The following TAFA5 variants were observed in gnomAD, a reference collection of about 807,000 sequenced individuals.
The protein encoded by TAFA5 is TAFA chemokine like family member 5, also known as chemokine-like protein TAFA-5.
A neutral mutation model predicts 15.3 loss-of-function variants in TAFA5; 6 were observed. The ratio of observed to expected loss-of-function variants is 0.39; its 90% CI spans 0.21 to 0.77. The LOEUF (loss-of-function observed/expected upper bound fraction) is 0.77. TAFA5 is among the 30% of genes least tolerant of loss of function. The pLI, the probability that TAFA5 is intolerant of heterozygous loss-of-function variation, is 0.41. For missense variants in TAFA5, 161 were observed against 193.1 expected (o/e 0.83, Z 0.98); for synonymous variants, 103 against 80.7 (o/e 1.28, Z -1.48).
intron 2 of TAFA5, among the ~76,000 whole-genome samples, chr22:48,691,945 A>G (rs1928556337): frequency 6.6e-6 from 1 of 152,116 alleles, no homozygotes; most frequent in Admixed American, 6.5e-5. Context: ...GACTGAGCTG[A>G]CACTAGGTGC....
intron 1 of TAFA5, among the ~76,000 whole-genome samples, chr22:48,589,750 C>G (rs1035567593): frequency 6.6e-6 from 1 of 152,078 alleles, no homozygotes; most frequent in African/African-American, 2.4e-5. Flanking sequence ...TGTGGCCACA[C>G]GCTGAGGAGC....
In TAFA5 at chr22:48,744,697, C is replaced by T. The variant is rs555046310; in HGVS notation, c.391-5142C>T. ...TTCTTACATTTCCAGAGCACCTTTA[C>T]GAACATCTTTTTCTCTGTGCTTCCG... On this transcript the variant is annotated intron_variant, in intron 3 of 3. Transcript: ENST00000402357. Among the ~76,000 whole-genome samples the T allele has an allele frequency of 1.4e-3, 215 of 152,294 alleles. 2 individuals carry two copies. The highest frequency in any genetic ancestry group is 4.8e-3 in the African/African-American group (198 of 41,564).
chr22:48,505,988 C>T (rs375712268), intron 1 of TAFA5, among the ~76,000 whole-genome samples: 132 of 152,184 alleles, frequency 8.7e-4, no homozygotes, highest in African/African-American at 3.1e-3. Flanking sequence ...GGTCTCAGAA[C>T]TCACTCCCAG....
chr22:48,677,411 C>T (rs1330752626), intron 2 of TAFA5, among the ~76,000 whole-genome samples: 10 of 152,198 alleles, frequency 6.6e-5, no homozygotes, highest in African/African-American at 1.4e-4. Flanking sequence ...CCGGGCCACG[C>T]GATTGCAGAA....
rs1453476172 is a variant in TAFA5, at chr22:48,742,989, C to G, written c.391-6850C>G. Among the ~76,000 whole-genome samples the G allele has an allele frequency of 6.6e-6, 1 of 152,184 alleles. No individual in the cohort carries two copies. The highest frequency in any genetic ancestry group is 1.5e-5 in the Non-Finnish European group (1 of 68,030). On this transcript the variant is annotated intron_variant, in intron 3 of 3. Coordinates refer to ENST00000402357, the MANE Select transcript of TAFA5 (RefSeq NM_001082967.3). This position sits in a 1 kb window ranked among gnomAD's most constrained non-coding sequence, Gnocchi z 6.2. ...CCCTGGGACGCAGGCTCAGCAGCCC[C>G]CGGATTCCAGTCAACATCCCCAGGA...
chr22:48,743,519 G>A (rs1014368152), intron 3 of TAFA5, among the ~76,000 whole-genome samples: 2 of 152,192 alleles, frequency 1.3e-5, no homozygotes, highest in Non-Finnish European at 2.9e-5. Context: ...GGATCTTCAT[G>A]TCTGTTACTG....
Position 48,560,267 on chromosome 22 carries a change from G to A in TAFA5, c.112+70563G>A, listed in dbSNP as rs374323532. ...CCTGTCGTGCGCCCAGGCTGGTGCC[G>A]TCAGGCTCCCGGCATTGGTGCACCC... On this transcript the variant is annotated intron_variant, in intron 1 of 3. Coordinates refer to ENST00000402357, the MANE Select transcript of TAFA5 (RefSeq NM_001082967.3). The surrounding 1 kb of genome is among the most constrained non-coding windows in gnomAD (Gnocchi z 4.2). Among the ~76,000 whole-genome samples the A allele has an allele frequency of 1.3e-5, 2 of 152,238 alleles. No individual in the cohort carries two copies. The highest frequency in any genetic ancestry group is 1.9e-4 in the East Asian group (1 of 5,184).
intron 1 of TAFA5, among the ~76,000 whole-genome samples, chr22:48,604,485 G>A (rs1259594401): frequency 6.6e-6 from 1 of 152,236 alleles, no homozygotes; most frequent in Non-Finnish European, 1.5e-5. Flanking sequence ...GGAAGACCTG[G>A]GCTGGCATCC....
chr22:48,676,810 G>T (rs546781412), intron 2 of TAFA5, among the ~76,000 whole-genome samples: 1 of 152,332 alleles, frequency 6.6e-6, no homozygotes, highest in Admixed American at 6.5e-5. Flanking sequence ...ACCTTGAGGA[G>T]GTCAACTGAT....
At chr22:48,579,602 G>A (rs528657412) in intron 1 of TAFA5, among the ~76,000 whole-genome samples, 25 of 152,322 alleles carry the variant, frequency 1.6e-4, no homozygotes, top group Admixed American at 1.0e-3. Context: ...CTCCAAATAC[G>A]GAGTTAAGGA....
intron 2 of TAFA5, among the ~76,000 whole-genome samples, chr22:48,703,223 G>C (rs1928971501): frequency 6.6e-6 from 1 of 152,090 alleles, no homozygotes; most frequent in African/African-American, 2.4e-5. Context: ...ATGTGTACGT[G>C]TGTGTGTTGT....
chr22:48,497,275 C>G (rs537214143), intron 1 of TAFA5, among the ~76,000 whole-genome samples: 3 of 152,340 alleles, frequency 2.0e-5, no homozygotes, highest in East Asian at 1.9e-4. Flanking sequence ...GAGGAGAAGC[C>G]GGGGCCTGCG....
chr22:48,546,385 T>G (rs1047269843), intron 1 of TAFA5: 31 of 426,584 alleles, frequency 7.3e-5, no homozygotes, highest in Non-Finnish European at 1.3e-4. Context: ...ACACATGCTG[T>G]GCTGAGCACT....
At chr22:48,571,587 T>TG (rs1923592297) in intron 1 of TAFA5, among the ~76,000 whole-genome samples, 1 of 134,666 alleles carries the variant, frequency 7.4e-6, no homozygotes, top group African/African-American at 3.0e-5. Flanking sequence ...TTTTTTTTTT[T>TG]TTTTTTTTTT....
chr22:48,677,055 C>T (rs1927998023), intron 2 of TAFA5, among the ~76,000 whole-genome samples: 1 of 152,238 alleles, frequency 6.6e-6, no homozygotes, highest in East Asian at 1.9e-4. Flanking sequence ...GAAGCCACTT[C>T]TGACCACCCC....
intron 1 of TAFA5, among the ~76,000 whole-genome samples, chr22:48,573,185 C>G (rs2147139452): frequency 6.6e-6 from 1 of 152,330 alleles, no homozygotes; most frequent in South Asian, 2.1e-4. Flanking sequence ...AAGTGCCCTC[C>G]TGCCTGGACA....
At chr22:48,603,901 A>G (rs1368704082) in intron 1 of TAFA5, among the ~76,000 whole-genome samples, 2 of 152,126 alleles carry the variant, frequency 1.3e-5, no homozygotes, top group African/African-American at 4.8e-5. Flanking sequence ...CAGAGGGGAA[A>G]GTGAATGGGG....
chr22:48,749,928 C>A lies in TAFA5; in HGVS notation c.*81C>A. On this transcript the variant is annotated 3_prime_UTR_variant, in exon 4 of 4. Coordinates refer to ENST00000402357, the MANE Select transcript of TAFA5 (RefSeq NM_001082967.3). ...GTCTCAGCCACAGTTCTCCACTCGC[C>A]TCGGACTTCACCCGTTCTCTGCCGC... The A allele has an allele frequency of 7.4e-7, 1 of 1,348,010 alleles. No homozygotes were observed. Among genetic ancestry groups the A allele is most frequent in the Non-Finnish European group, 1.0e-6 (1 of 966,808 alleles). 83.5% of individuals were successfully genotyped at this position (1,348,010 alleles called of 1,614,324 possible).
intron 1 of TAFA5, among the ~76,000 whole-genome samples, chr22:48,559,640 G>T (rs16999444): frequency 1.3e-5 from 2 of 151,990 alleles, no homozygotes; most frequent in East Asian, 3.9e-4. Context: ...CTTGAAAGTG[G>T]GAGAATCAGC....
Sources: allele counts gnomAD v4.1 joint callset (sites outside exome capture counted in the v4.1 genomes callset), GRCh38; gene constraint gnomAD v4.1.1; non-coding constraint Gnocchi (gnomAD v3.1); transcripts MANE v1.5; gene names NCBI Gene and HGNC (gene_info 2026-07-23, HGNC 2026-07-21).